TPRG1: variants seen among roughly 807,000 people sequenced by gnomAD.
TPRG1 encodes the protein tumor protein p63-regulated gene 1 protein.
In TPRG1, 29 loss-of-function variants were observed where a neutral mutation model predicts 29.3. That is an observed-to-expected ratio of 0.99 (90% CI 0.74 to 1.35). The LOEUF is 1.35. TPRG1 is among the 40% of genes most tolerant of loss of function. TPRG1 has a pLI of 0.00. For synonymous variants in TPRG1, 130 were observed against 116.8 expected (o/e 1.11, Z -0.73); for missense variants, 327 against 335.0 (o/e 0.98, Z 0.19).
intron 4 of TPRG1, among the ~76,000 whole-genome samples, chr3:189,301,867 C>T (rs1254628303): frequency 1.3e-5 from 2 of 152,202 alleles, no homozygotes; most frequent in African/African-American, 2.4e-5. Flanking sequence ...TCACTAGCTT[C>T]CATGTTAGGA....
At chr3:189,183,758 CATT>C (rs1730551764) in intron 1 of TPRG1, among the ~76,000 whole-genome samples, 1 of 151,860 alleles carries the variant, frequency 6.6e-6, no homozygotes, top group Non-Finnish European at 1.5e-5. Flanking sequence ...GTTTCCCAAA[CATT>C]GTTGTTATCC....
At chr3:189,265,797 T>C (rs765001080) in intron 4 of TPRG1, among the ~76,000 whole-genome samples, 2 of 152,174 alleles carry the variant, frequency 1.3e-5, no homozygotes, top group African/African-American at 2.4e-5. Context: ...AAACTAGGGA[T>C]GGCAGAGTGG....
intron 5 of TPRG1, among the ~76,000 whole-genome samples, chr3:189,165,761 C>T (rs941797482): frequency 2.0e-5 from 3 of 152,092 alleles, no homozygotes; most frequent in Non-Finnish European, 4.4e-5. Context: ...AGTTTTTCCC[C>T]TGTGGACCCC....
At chr3:189,091,735 T>A (rs1031270252) in intron 4 of TPRG1, among the ~76,000 whole-genome samples, 1 of 152,218 alleles carries the variant, frequency 6.6e-6, no homozygotes, top group Non-Finnish European at 1.5e-5. Context: ...ATCCTAGTTA[T>A]AAACATTTAG....
intron 1 of TPRG1, among the ~76,000 whole-genome samples, chr3:189,206,837 G>A (rs1272052480): frequency 1.3e-5 from 2 of 151,846 alleles, no homozygotes; most frequent in East Asian, 1.9e-4. Flanking sequence ...GTGCACGCGT[G>A]TATGCATGTG....
intron 4 of TPRG1, among the ~76,000 whole-genome samples, chr3:189,057,010 A>G (rs1578257379): frequency 6.6e-6 from 1 of 152,312 alleles, no homozygotes; most frequent in African/African-American, 2.4e-5. Flanking sequence ...TCTGAAGTGT[A>G]AAAATTAATC....
intron 1 of TPRG1, among the ~76,000 whole-genome samples, chr3:189,173,877 A>C (rs1322806022): frequency 2.0e-5 from 3 of 152,134 alleles, no homozygotes; most frequent in African/African-American, 7.2e-5. Context: ...CATCTACTGG[A>C]GATGGTATCA....
At chr3:189,294,569 T>C (rs903142102) in intron 4 of TPRG1, among the ~76,000 whole-genome samples, 8 of 152,134 alleles carry the variant, frequency 5.3e-5, no homozygotes, top group African/African-American at 1.7e-4. Flanking sequence ...GTGTCCCCTT[T>C]AGAGAGGTGG....
intron 4 of TPRG1, among the ~76,000 whole-genome samples, chr3:189,057,169 T>C (rs1251230425): frequency 1.3e-5 from 2 of 152,214 alleles, no homozygotes; most frequent in Non-Finnish European, 2.9e-5. Context: ...TGGGAATCAG[T>C]GAGTGAATCC....
At chr3:189,302,092 T>G (rs974384260) in intron 4 of TPRG1, among the ~76,000 whole-genome samples, 1 of 152,210 alleles carries the variant, frequency 6.6e-6, no homozygotes, top group South Asian at 2.1e-4. Context: ...TTCTTATGAT[T>G]TCCTGTCTTC....
chr3:189,262,212 A>G (rs867569059), intron 4 of TPRG1, among the ~76,000 whole-genome samples: 1 of 145,332 alleles, frequency 6.9e-6, no homozygotes, highest in Non-Finnish European at 1.5e-5. Flanking sequence ...TGGTATAAGT[A>G]TAAGTATAAG....
At chr3:189,231,600 G>A (rs554366113) in intron 3 of TPRG1, among the ~76,000 whole-genome samples, 277 of 152,170 alleles carry the variant, frequency 1.8e-3, no homozygotes, top group South Asian at 4.6e-3. Context: ...GTCCTATGAG[G>A]AATACACTAT....
chr3:189,053,720 G>A (rs1267020815), intron 4 of TPRG1, among the ~76,000 whole-genome samples: 1 of 152,204 alleles, frequency 6.6e-6, no homozygotes, highest in Non-Finnish European at 1.5e-5. Context: ...CATTGTCTCA[G>A]TGATTGGCTT....
At chr3:189,006,137 TA>T (rs1312071479) in intron 3 of TPRG1, among the ~76,000 whole-genome samples, 1 of 152,020 alleles carries the variant, frequency 6.6e-6, no homozygotes, top group African/African-American at 2.4e-5. Context: ...TATTTGAATA[TA>T]GCTGTTTCTC....
intron 1 of TPRG1, among the ~76,000 whole-genome samples, chr3:189,112,733 A>G (rs1247402105): frequency 2.6e-5 from 4 of 152,074 alleles, no homozygotes; most frequent in African/African-American, 4.8e-5. Flanking sequence ...CCATTGATCT[A>G]TATCTCTGTT....
At chr3:189,187,082 G>A (rs1731033858) in intron 1 of TPRG1, among the ~76,000 whole-genome samples, 1 of 145,368 alleles carries the variant, frequency 6.9e-6, no homozygotes, top group African/African-American at 2.6e-5. Context: ...TGCCTCTCAG[G>A]CCCAAGTGAT....
At chr3:189,014,450 T>C (rs9847383) in intron 3 of TPRG1, among the ~76,000 whole-genome samples, 6,205 of 152,204 alleles carry the variant, frequency 0.041, 416 homozygotes, top group African/African-American at 0.14. Context: ...TTTTTTCTTT[T>C]ATTTCGACCT....
chr3:189,023,629 A>G (rs6787392), intron 3 of TPRG1: 11,167 of 152,144 alleles, frequency 0.073, 819 homozygotes, highest in African/African-American at 0.18. Flanking sequence ...TCTCATCTTT[A>G]TGGGCTTACC....
At chr3:189,049,847 C>A (rs76251714) in intron 4 of TPRG1, among the ~76,000 whole-genome samples, 2,850 of 152,234 alleles carry the variant, frequency 0.019, 90 homozygotes, top group African/African-American at 0.065. Context: ...CCCCCAGTAC[C>A]AGCCAGGATG....
Sources: gnomAD v4.1 joint callset for allele counts (sites outside exome capture counted in the v4.1 genomes callset) on GRCh38, gnomAD v4.1.1 for gene constraint, MANE v1.5 for transcripts, NCBI Gene and HGNC (gene_info 2026-07-23, HGNC 2026-07-21) for gene names.